XKR4: variants seen among roughly 807,000 people sequenced by gnomAD.
The protein encoded by XKR4 is XK-related protein 4.
Under a neutral mutation model 53.9 loss-of-function variants are expected in XKR4, and 12 were observed. That is an observed-to-expected ratio of 0.22 (90% CI 0.14 to 0.36). The LOEUF is 0.36. XKR4 is among the 10% of genes least tolerant of loss of function. The pLI, the probability that XKR4 is intolerant of heterozygous loss-of-function variation, is 1.00. For synonymous variants in XKR4, 354 were observed against 362.4 expected (o/e 0.98, Z 0.26); for missense variants, 799 against 859.5 (o/e 0.93, Z 0.88).
At position 55,190,961 on chromosome 8, in the gene XKR4, C is replaced by A. The variant is rs192474486; in HGVS notation, c.806+87667C>A. 5.9e-5 allele frequency among the ~76,000 whole-genome samples: 9 copies of A among 152,294 alleles called. No homozygotes were observed. The East Asian group carries it at 1.5e-3, about 26-fold the overall frequency. On this transcript the variant is annotated intron_variant, in intron 1 of 2. Transcript: ENST00000327381. ...GGACTAGGCTTGCTGATAATGCCAA[C>A]CTTTTCGTTTTAGCAAAGGGCTTCC...
chr8:55,376,708 A>G (rs951340846), intron 2 of XKR4, among the ~76,000 whole-genome samples: 2 of 152,160 alleles, frequency 1.3e-5, no homozygotes, highest in African/African-American at 2.4e-5. Context: ...CATCTGTATC[A>G]TATGTGTGGA....
chr8:55,134,019 C>A (rs1214441077), intron 1 of XKR4, among the ~76,000 whole-genome samples: 3 of 152,178 alleles, frequency 2.0e-5, no homozygotes, highest in Admixed American at 2.0e-4. Context: ...TCTCTCCAGA[C>A]AGATTTTTTT....
At chr8:55,109,168 G>A (rs2129350741) in intron 1 of XKR4, among the ~76,000 whole-genome samples, 1 of 152,282 alleles carries the variant, frequency 6.6e-6, no homozygotes, top group East Asian at 1.9e-4. Flanking sequence ...GGCTTCCTTA[G>A]AAGCAGTGAG....
intron 2 of XKR4, among the ~76,000 whole-genome samples, chr8:55,491,611 T>A (rs1244089413): frequency 6.8e-6 from 1 of 146,352 alleles, no homozygotes; most frequent in Non-Finnish European, 1.5e-5. Flanking sequence ...AATGGGCTCT[T>A]TTATGTCTTT....
chr8:55,411,041 C>T (rs980075091), intron 2 of XKR4, among the ~76,000 whole-genome samples: 3 of 152,222 alleles, frequency 2.0e-5, no homozygotes, highest in Admixed American at 2.0e-4. Context: ...ATCTTTCTCC[C>T]TTGCACTTCT....
chr8:55,124,190 A>C (rs1218638657), intron 1 of XKR4, among the ~76,000 whole-genome samples: 1 of 152,164 alleles, frequency 6.6e-6, no homozygotes, highest in Non-Finnish European at 1.5e-5. Context: ...GACTTTCCCA[A>C]GCTGGCGACG....
intron 1 of XKR4, among the ~76,000 whole-genome samples, chr8:55,223,198 G>A (rs1423623554): frequency 6.6e-6 from 1 of 152,236 alleles, no homozygotes; most frequent in Non-Finnish European, 1.5e-5. Context: ...TCTTGCAACA[G>A]TTAAATTATA....
At chr8:55,162,552 C>G (rs942541451) in intron 1 of XKR4, among the ~76,000 whole-genome samples, 1 of 152,164 alleles carries the variant, frequency 6.6e-6, no homozygotes, top group Non-Finnish European at 1.5e-5. Context: ...GTGCTTTACT[C>G]AAAGCATGGT....
intron 1 of XKR4, among the ~76,000 whole-genome samples, chr8:55,291,734 G>C (rs1819024093): frequency 6.6e-6 from 1 of 152,058 alleles, no homozygotes; most frequent in African/African-American, 2.4e-5. Flanking sequence ...TGGCTTACTA[G>C]TTCTAGGAGG....
chr8:55,500,728 G>A (rs999592716), intron 2 of XKR4, among the ~76,000 whole-genome samples: 2 of 152,164 alleles, frequency 1.3e-5, no homozygotes, highest in Non-Finnish European at 2.9e-5. Flanking sequence ...GGACACGCTA[G>A]GTGCTTTTGT....
At chr8:55,399,849 C>T (rs1018139093) in intron 2 of XKR4, among the ~76,000 whole-genome samples, 1 of 152,160 alleles carries the variant, frequency 6.6e-6, no homozygotes, top group Non-Finnish European at 1.5e-5. Context: ...ATCGTGGAGA[C>T]TTGGTGAGGC....
chr8:55,350,738 CTTTTTTTT>C (rs1028164969), intron 1 of XKR4, among the ~76,000 whole-genome samples: 1 of 122,448 alleles, frequency 8.2e-6, no homozygotes, highest in Non-Finnish European at 1.7e-5. Context: ...TTTTTCTTTT[CTTTTTTTT>C]TTTTTTTTTT....
intron 2 of XKR4, among the ~76,000 whole-genome samples, chr8:55,494,759 G>C (rs1409316108): frequency 1.3e-5 from 2 of 152,124 alleles, no homozygotes; most frequent in Admixed American, 6.5e-5. Flanking sequence ...GCTGAGTCTG[G>C]GGTTTTTATG....
intron 2 of XKR4, among the ~76,000 whole-genome samples, chr8:55,494,722 C>G (rs147848532): frequency 1.3e-5 from 2 of 152,150 alleles, no homozygotes; most frequent in African/African-American, 4.8e-5. Context: ...GGTTGTCTGT[C>G]CTTTCTCCAT....
At chr8:55,491,382 T>C (rs912161788) in intron 2 of XKR4, among the ~76,000 whole-genome samples, 4 of 152,226 alleles carry the variant, frequency 2.6e-5, no homozygotes, top group African/African-American at 4.8e-5. Context: ...TTTTATTGGA[T>C]GTGGCATATT....
intron 1 of XKR4, among the ~76,000 whole-genome samples, chr8:55,220,675 GC>G (rs1407108774): frequency 6.6e-6 from 1 of 152,112 alleles, no homozygotes; most frequent in East Asian, 1.9e-4. Context: ...CTCAAACCCA[GC>G]CAGTTTGGTT....
chr8:55,289,771 GAGAA>G (rs1283554674), intron 1 of XKR4, among the ~76,000 whole-genome samples: 4 of 143,698 alleles, frequency 2.8e-5, no homozygotes, highest in Admixed American at 2.2e-4. Context: ...GAGAAAGAAA[GAGAA>G]AGAGAGGGAG....
intron 2 of XKR4, among the ~76,000 whole-genome samples, chr8:55,375,797 C>T (rs529101926): frequency 1.3e-5 from 2 of 151,332 alleles, no homozygotes; most frequent in Non-Finnish European, 2.9e-5. Flanking sequence ...GCAATGTGTG[C>T]CATGGTGGTT....
chr8:55,218,736 TC>T (rs1432933642), intron 1 of XKR4, among the ~76,000 whole-genome samples: 1 of 152,232 alleles, frequency 6.6e-6, no homozygotes, highest in African/African-American at 2.4e-5. Context: ...GCTATCATAT[TC>T]TTTGAAGTAA....
Sources: gnomAD v4.1 joint callset for allele counts (sites outside exome capture counted in the v4.1 genomes callset) on GRCh38, gnomAD v4.1.1 for gene constraint, MANE v1.5 for transcripts, NCBI Gene and HGNC (gene_info 2026-07-23, HGNC 2026-07-21) for gene names.